The following GLG1 variants were observed in gnomAD, a reference collection of about 807,000 sequenced individuals.
The protein encoded by GLG1 is golgi glycoprotein 1, also known as Golgi apparatus protein 1.
Under a neutral mutation model 160.5 loss-of-function variants are expected in GLG1, and 38 were observed. That is an observed-to-expected ratio of 0.24 (90% CI 0.18 to 0.31). The LOEUF is 0.31. Ranked by LOEUF, GLG1 falls within the 10% of genes least tolerant of loss-of-function variation. The pLI is 1.00. For missense variants in GLG1, 1,373 were observed against 1,505.2 expected, an observed-to-expected ratio of 0.91 and a Z score of 1.45; for synonymous variants, 644 against 543.4, an observed-to-expected ratio of 1.19 and a Z score of -2.57.
intron 1 of GLG1, among the ~76,000 whole-genome samples, chr16:74,553,871 G>A (rs1409253230): frequency 6.6e-6 from 1 of 152,144 alleles, no homozygotes; most frequent in Non-Finnish European, 1.5e-5. Flanking sequence ...TCTAAAAGCT[G>A]AATTTTCACT....
intron 1 of GLG1, among the ~76,000 whole-genome samples, chr16:74,542,171 T>C (rs932716898): frequency 6.7e-5 from 10 of 148,858 alleles, no homozygotes; most frequent in Non-Finnish European, 1.3e-4. Flanking sequence ...GTTTGAATAG[T>C]ATAGCTAACT....
rs1450235066 is a variant in GLG1 at position 74,580,633 on chromosome 16, A to AT, written c.438+26023dup. Among the ~76,000 whole-genome samples, 6 of 152,340 alleles carry AT rather than the reference A, an allele frequency of 3.9e-5. No individual in the cohort carries two copies. In the East Asian group the frequency reaches 1.2e-3, roughly 29 times the overall value. ...TTGAATTTGCAATAATTTATTGGCT[A>AT]TGACACTAAAAGCACAGACAACAAA... On this transcript the variant is annotated intron_variant, in intron 1 of 25. Coordinates refer to ENST00000422840, the MANE Select transcript of GLG1 (RefSeq NM_001145667.2).
Position 74,532,121 on chromosome 16 carries a change from A to G in GLG1, c.471T>C (p.His157=), listed in dbSNP as rs757051394. The change falls in exon 2 of 26, where the codon CAT becomes CAC. Residue 157 remains histidine, a splice_region_variant and synonymous_variant. Transcript: ENST00000422840. ...CGCATCACAGAAAATCCATACTTAC[A>G]TGATTGCAGTCTGAAGAAATTTCAT... ...PENEISSDCN[H]LLWNYKLNLT... is the part of the protein sequence containing the mutation. The G allele has an allele frequency of 2.2e-6, 3 of 1,390,692 alleles. No homozygotes were observed. The highest frequency in any genetic ancestry group is 1.8e-5 in the South Asian group (1 of 54,944). The allele number at this position is 1,390,692 out of a possible 1,614,324, so 86.1% of individuals were successfully genotyped here.
rs1182160207 is a variant in GLG1 at position 74,450,976 on chromosome 16, G to C, written c.*2191C>G. ...AATATCAACACAATTAGAACTATAAGGGTGTTTACGCATACTGGGAAGGAG... is the reference window on the plus strand; with the variant it reads ...AATATCAACACAATTAGAACTATAACGGTGTTTACGCATACTGGGAAGGAG... On this transcript the variant is annotated 3_prime_UTR_variant, in exon 26 of 26. Coordinates refer to ENST00000422840, the MANE Select transcript of GLG1 (RefSeq NM_001145667.2). 6.6e-6 allele frequency: 1 copy of C among 152,144 alleles called. No individual in the cohort carries two copies. Among genetic ancestry groups the C allele is most frequent in the Non-Finnish European group, 1.5e-5 (1 of 68,042 alleles). 9.4% of individuals were successfully genotyped at this position (152,144 alleles called of 1,614,324 possible). A position where few individuals can be genotyped will look rare whatever the true frequency, so the allele number is the denominator to read the frequency against.
Position 74,575,015 on chromosome 16 carries a change from G to C in GLG1, c.438+31642C>G, listed in dbSNP as rs1478260841. Among the ~76,000 whole-genome samples, 2 of 55,144 alleles carry C rather than the reference G, an allele frequency of 3.6e-5. 1 individual carries two copies. Among genetic ancestry groups the C allele is most frequent in the East Asian group, 1.0e-3 (2 of 1,922 alleles). 36.2% of individuals were successfully genotyped at this position (55,144 alleles called of 152,430 possible). A position where few individuals can be genotyped will look rare whatever the true frequency, so the allele number is the denominator to read the frequency against. On this transcript the variant is annotated intron_variant, in intron 1 of 25. Transcript: ENST00000422840. ...TAGCACTTTGGGAGGCCGGGGGGGG[G>C]GGGGGGGCGGATCACGAGGTCAAGA...
intron 1 of GLG1, among the ~76,000 whole-genome samples, chr16:74,605,350 G>A (rs1679335663): frequency 6.6e-6 from 1 of 152,106 alleles, no homozygotes; most frequent in Admixed American, 6.6e-5. Flanking sequence ...CTAATAATGT[G>A]CTGTTTCTAC....
chr16:74,578,626 T>C (rs761297200), intron 1 of GLG1, among the ~76,000 whole-genome samples: 3 of 152,202 alleles, frequency 2.0e-5, no homozygotes, highest in Non-Finnish European at 4.4e-5. Flanking sequence ...ACTATGAAGA[T>C]GCATTACTTG....
intron 1 of GLG1, among the ~76,000 whole-genome samples, chr16:74,602,041 T>C (rs775892914): frequency 2.0e-5 from 3 of 151,972 alleles, no homozygotes; most frequent in Non-Finnish European, 2.9e-5. Context: ...TTATCAACAG[T>C]GAGACAATAG....
chr16:74,475,594 C>T (rs1162171787), intron 12 of GLG1, among the ~76,000 whole-genome samples: 1 of 152,192 alleles, frequency 6.6e-6, no homozygotes, highest in Non-Finnish European at 1.5e-5. Flanking sequence ...TAGCATTAGT[C>T]TATTACTATT....
At chr16:74,497,720 A>G (rs979123974) in intron 4 of GLG1, among the ~76,000 whole-genome samples, 3 of 152,168 alleles carry the variant, frequency 2.0e-5, no homozygotes, top group African/African-American at 2.4e-5. Context: ...TACTGGCGTG[A>G]GCCACTGCGC....
At chr16:74,525,260 A>C (rs909944656) in intron 2 of GLG1, among the ~76,000 whole-genome samples, 2 of 152,222 alleles carry the variant, frequency 1.3e-5, no homozygotes, top group African/African-American at 4.8e-5. Flanking sequence ...ACATTCCACC[A>C]GCAATTTCTC....
rs181396188 is a variant in GLG1 at position 74,595,896 on chromosome 16, G to A, written c.438+10761C>T. Among the ~76,000 whole-genome samples the A allele has an allele frequency of 9.2e-3, 1,398 of 152,298 alleles. 16 individuals carry two copies. The highest frequency in any genetic ancestry group is 0.014 in the Non-Finnish European group (943 of 68,028). ...CCCAGCACTTTGGGAGGCCAAGGCG[G>A]GTGGATCACCTGAGGTCAGGAGTTC... On this transcript the variant is annotated intron_variant, in intron 1 of 25. Coordinates refer to ENST00000422840, the MANE Select transcript of GLG1 (RefSeq NM_001145667.2).
rs561813743 is a variant in GLG1 at position 74,500,033 on chromosome 16, A to G, written c.775-3389T>C. ...CAACACCAAAATAAAAAAAAACAATACTTCTCTACTAGATGTTTCCATTCA... is the reference window on the plus strand; with the variant it reads ...CAACACCAAAATAAAAAAAAACAATGCTTCTCTACTAGATGTTTCCATTCA... On this transcript the variant is annotated intron_variant, in intron 4 of 25. Transcript: ENST00000422840. Among the ~76,000 whole-genome samples the G allele has an allele frequency of 2.6e-5, 4 of 152,152 alleles. No individual in the cohort carries two copies. The South Asian group carries it at 8.3e-4, about 32-fold the overall frequency.
At chr16:74,466,183 G>A (rs2014994641) in intron 18 of GLG1, among the ~76,000 whole-genome samples, 1 of 152,290 alleles carries the variant, frequency 6.6e-6, no homozygotes, top group Middle Eastern at 3.4e-3. Flanking sequence ...CAAACCAGGA[G>A]GTTCAATTCA....
intron 1 of GLG1, among the ~76,000 whole-genome samples, chr16:74,576,824 C>T (rs2019017465): frequency 6.6e-6 from 1 of 151,966 alleles, no homozygotes; most frequent in South Asian, 2.1e-4. Context: ...ACTTTCTTTA[C>T]TCATGAATGA....
chr16:74,575,859 G>A (rs950597732), intron 1 of GLG1, among the ~76,000 whole-genome samples: 8 of 152,120 alleles, frequency 5.3e-5, no homozygotes, highest in Non-Finnish European at 1.0e-4. Context: ...ACAACCAACA[G>A]TAAGCATACA....
chr16:74,567,561 T>C (rs946968496), intron 1 of GLG1, among the ~76,000 whole-genome samples: 9 of 132,682 alleles, frequency 6.8e-5, no homozygotes, highest in African/African-American at 2.3e-4. Flanking sequence ...TTTCTTTTTT[T>C]TTTTTTTTTT....
intron 17 of GLG1, 25 bp downstream of exon 17, chr16:74,468,921 G>T: frequency 7.1e-7 from 1 of 1,415,586 alleles, no homozygotes; most frequent in Non-Finnish European, 1.0e-6. Context: ...TGTGGTTTCT[G>T]GGAGCAGAGG....
intron 1 of GLG1, among the ~76,000 whole-genome samples, chr16:74,599,874 C>CA (rs942955435): frequency 3.1e-5 from 4 of 128,446 alleles, no homozygotes; most frequent in East Asian, 2.3e-4. Flanking sequence ...AAAAAAAAAA[C>CA]AAAAAAAAAA....
Sources: gnomAD v4.1 joint callset for allele counts (sites outside exome capture counted in the v4.1 genomes callset) on GRCh38, gnomAD v4.1.1 for gene constraint, MANE v1.5 for transcripts, NCBI Gene and HGNC (gene_info 2026-07-23, HGNC 2026-07-21) for gene names.